The following SEC11A variants were observed in gnomAD, a reference collection of about 807,000 sequenced individuals.
SEC11A encodes SEC11 homolog A, signal peptidase complex subunit.
SEC11A carries 14 observed loss-of-function variants against 25.6 expected under a neutral mutation model. The ratio of observed to expected loss-of-function variants is 0.55; its 90% confidence interval spans 0.36 to 0.85. The LOEUF is 0.85. SEC11A is among the 40% of genes least tolerant of loss of function. The pLI is 0.01. For synonymous variants in SEC11A, 83 were observed against 76.4 expected, an observed-to-expected ratio of 1.09 and a Z score of -0.45; for missense variants, 153 against 222.9, an observed-to-expected ratio of 0.69 and a Z score of 2.00.
At chr15:84,695,953 G>A (rs1002032831) in intron 1 of SEC11A, among the ~76,000 whole-genome samples, 14 of 152,092 alleles carry the variant, frequency 9.2e-5, no homozygotes, top group African/African-American at 3.4e-4. Context: ...AAACTAAACT[G>A]TTTTGGTTTA....
chr15:84,670,613 C>A, intron 5 of SEC11A, 112 bp downstream of exon 5: 1 of 562,512 alleles, frequency 1.8e-6, no homozygotes, highest in Non-Finnish European at 3.2e-6. Flanking sequence ...CTCCTGGGCT[C>A]AAGCGATCCA....
chr15:84,674,641 C>T (rs960478054), intron 4 of SEC11A, among the ~76,000 whole-genome samples: 6 of 152,150 alleles, frequency 3.9e-5, no homozygotes, highest in Non-Finnish European at 8.8e-5. Flanking sequence ...TCACTACAGC[C>T]TTGAACTCCT....
rs978972732 is a variant in SEC11A at position 84,669,795 on chromosome 15, A to G, written c.*224T>C. 2 of 564,346 alleles carry G rather than the reference A, an allele frequency of 3.5e-6. No individual in the cohort carries two copies. Among genetic ancestry groups the G allele is most frequent in the Non-Finnish European group, 5.8e-6 (2 of 346,934 alleles). The allele number at this position is 564,346 out of a possible 1,614,324, so 35.0% of individuals were successfully genotyped here. On this transcript the variant is annotated 3_prime_UTR_variant, in exon 6 of 6. Coordinates refer to ENST00000268220, the MANE Select transcript of SEC11A (RefSeq NM_014300.4). ...AAAAATTTGAAAGTGTGACAATGAC[A>G]ATTATGAAATCCTGTGACTGAAAGT...
At chr15:84,688,404 G>A (rs182476248) in intron 2 of SEC11A, among the ~76,000 whole-genome samples, 8 of 152,258 alleles carry the variant, frequency 5.3e-5, no homozygotes, top group Admixed American at 3.9e-4. Flanking sequence ...CAATTCCATG[G>A]TAACAAGTAA....
chr15:84,683,421 A>AAACTAACT (rs566229957), intron 3 of SEC11A, among the ~76,000 whole-genome samples: 1 of 139,636 alleles, frequency 7.2e-6, no homozygotes, highest in African/African-American at 2.8e-5. Context: ...ACAAACAAAC[A>AAACTAACT]AACTAACTAA....
At position 84,670,765 on chromosome 15, in the gene SEC11A, C is replaced by A; in HGVS notation, c.449G>T (p.Gly150Val). 6.9e-7 allele frequency: 1 copy of A among 1,458,268 alleles called. No homozygotes were observed. Among genetic ancestry groups the A allele is most frequent in the Non-Finnish European group, 9.4e-7 (1 of 1,065,552 alleles). The allele number at this position is 1,458,268 out of a possible 1,614,324, so 90.3% of individuals were successfully genotyped here. A position where few individuals can be genotyped will look rare whatever the true frequency, so the allele number is the denominator to read the frequency against. ...GRARGFVPYIGIVTILMNDYP... is the reference protein window; with the variant it reads ...GRARGFVPYIVIVTILMNDYP... ...GTCATTCATGAGGATCGTCACAATT[C>A]CAATATAAGGAACAAATCTAAAACA... Residue 150 changes from glycine (G) to valine (V), a missense_variant, in exon 5 of 6, where the codon GGA (glycine) becomes GTA (valine). By Grantham distance (109) the Gly-to-Val change is moderately radical (BLOSUM62 -3). Coordinates refer to ENST00000268220, the MANE Select transcript of SEC11A (RefSeq NM_014300.4).
intron 3 of SEC11A, among the ~76,000 whole-genome samples, chr15:84,682,531 C>T (rs1383432263): frequency 6.6e-6 from 1 of 152,090 alleles, no homozygotes; most frequent in Non-Finnish European, 1.5e-5. Context: ...TCACTGCAAC[C>T]TCTGCTTCCT....
intron 2 of SEC11A, 138 bp downstream of exon 2, chr15:84,691,397 G>A (rs1412814030): frequency 3.4e-6 from 2 of 593,540 alleles, no homozygotes; most frequent in Admixed American, 6.1e-5. Flanking sequence ...CAACTGATAA[G>A]TAGTGACTAA....
chr15:84,699,911 C>T (rs915665205), intron 1 of SEC11A, among the ~76,000 whole-genome samples: 8 of 151,982 alleles, frequency 5.3e-5, no homozygotes, highest in Non-Finnish European at 8.8e-5. Context: ...ACAATTCTCA[C>T]AGCTCTTATG....
At chr15:84,689,925 A>C (rs1026046926) in intron 2 of SEC11A, among the ~76,000 whole-genome samples, 3 of 152,082 alleles carry the variant, frequency 2.0e-5, no homozygotes, top group Non-Finnish European at 4.4e-5. Context: ...TTTCAGTCAA[A>C]CAACCAAGTG....
intron 2 of SEC11A, among the ~76,000 whole-genome samples, chr15:84,689,721 C>A (rs1897546568): frequency 1.3e-5 from 2 of 151,820 alleles, no homozygotes; most frequent in Admixed American, 1.3e-4. Flanking sequence ...AATTCTCCTG[C>A]CTCAGCCTCC....
chr15:84,679,822 G>C (rs930999034), intron 4 of SEC11A: 12 of 712,810 alleles, frequency 1.7e-5, no homozygotes, highest in Admixed American at 1.4e-4. Flanking sequence ...AAAGCACTTA[G>C]AATGAGTCTC....
At chr15:84,692,367 A>T (rs893274043) in intron 1 of SEC11A, among the ~76,000 whole-genome samples, 5 of 152,104 alleles carry the variant, frequency 3.3e-5, no homozygotes, top group African/African-American at 7.2e-5. Context: ...TCCCTTGATA[A>T]TCATGGGAAT....
At chr15:84,681,278 G>T (rs777114725) in intron 3 of SEC11A, among the ~76,000 whole-genome samples, 6 of 152,166 alleles carry the variant, frequency 3.9e-5, no homozygotes, top group Non-Finnish European at 7.3e-5. Context: ...GAATAACCCA[G>T]TTTCTCCAAC....
At chr15:84,689,170 A>G (rs1897524466) in intron 2 of SEC11A, among the ~76,000 whole-genome samples, 1 of 151,958 alleles carries the variant, frequency 6.6e-6, no homozygotes, top group Non-Finnish European at 1.5e-5. Flanking sequence ...GGAGTTCAAG[A>G]CTCAGTCTCT....
At chr15:84,696,514 AC>A (rs1314660337) in intron 1 of SEC11A, among the ~76,000 whole-genome samples, 1 of 152,192 alleles carries the variant, frequency 6.6e-6, no homozygotes, top group African/African-American at 2.4e-5. Context: ...CTAATTCAGA[AC>A]CTCTGAGGAA....
intron 1 of SEC11A, 45 bp from the exon 2 acceptor site, chr15:84,691,689 C>T (rs913025744): frequency 3.4e-5 from 38 of 1,118,174 alleles, no homozygotes; most frequent in Non-Finnish European, 4.7e-5. Flanking sequence ...ATTATCCCCA[C>T]TTCGGAAAGC....
chr15:84,697,957 T>C (rs965779877), intron 1 of SEC11A, among the ~76,000 whole-genome samples: 37 of 152,232 alleles, frequency 2.4e-4, no homozygotes, highest in African/African-American at 8.4e-4. Context: ...CAAAGTTCTA[T>C]ATAATATCTC....
chr15:84,698,769 T>C (rs1365997288), intron 1 of SEC11A, among the ~76,000 whole-genome samples: 1 of 152,086 alleles, frequency 6.6e-6, no homozygotes, highest in Non-Finnish European at 1.5e-5. Flanking sequence ...CAAATGCCCA[T>C]CAACAGATGA....
Sources: allele counts gnomAD v4.1 joint callset (sites outside exome capture counted in the v4.1 genomes callset), GRCh38; gene constraint gnomAD v4.1.1; transcripts MANE v1.5; gene names NCBI Gene and HGNC (gene_info 2026-07-23, HGNC 2026-07-21).